The following ENPP2 variants were observed in gnomAD, a reference collection of about 807,000 sequenced individuals.
ENPP2 encodes the protein autotaxin.
In ENPP2, 51 loss-of-function variants were observed where a neutral mutation model predicts 120.2. The observed-to-expected ratio is 0.42, with a 90% CI of 0.34 to 0.54. ENPP2 has a LOEUF of 0.54. Among genes scored for constraint, ENPP2 ranks in the 20% least tolerant of loss-of-function variants. The probability of loss-of-function intolerance (pLI) is 0.04; values close to 1 mark genes in which losing one functional copy is unlikely to be tolerated. For synonymous variants in ENPP2, 365 were observed against 366.4 expected (o/e 1.00, Z 0.04); for missense variants, 920 against 1,066.5 (o/e 0.86, Z 1.91).
chr8:119,645,355 G>A (rs2130860777), intron 1 of ENPP2, among the ~76,000 whole-genome samples: 1 of 152,190 alleles, frequency 6.6e-6, no homozygotes, highest in Admixed American at 6.5e-5. Context: ...CTCACTTTTT[G>A]TTCATTTCAA....
At chr8:119,562,663 T>C (rs113158170) in intron 24 of ENPP2, among the ~76,000 whole-genome samples, 194 bp downstream of exon 24, 117 of 152,290 alleles carry the variant, frequency 7.7e-4, no homozygotes, top group African/African-American at 2.5e-3. Flanking sequence ...TGCACACATA[T>C]ATTGAAAAAT....
At chr8:119,600,217 A>G (rs1307690756) in intron 11 of ENPP2, among the ~76,000 whole-genome samples, 1 of 152,154 alleles carries the variant, frequency 6.6e-6, no homozygotes, top group East Asian at 1.9e-4. Context: ...TGATTGTATT[A>G]TATCTGCCAA....
At chr8:119,634,535 T>C (rs2130821811) in intron 2 of ENPP2, among the ~76,000 whole-genome samples, 1 of 152,176 alleles carries the variant, frequency 6.6e-6, no homozygotes, top group Middle Eastern at 3.4e-3. Context: ...TCATCAGCCT[T>C]AAAGGCATTT....
intron 1 of ENPP2, among the ~76,000 whole-genome samples, chr8:119,666,448 T>G (rs533777917): frequency 6.6e-6 from 1 of 152,224 alleles, no homozygotes; most frequent in Admixed American, 6.5e-5. Flanking sequence ...ATATATTCAG[T>G]AATATAATGC....
intron 11 of ENPP2, among the ~76,000 whole-genome samples, chr8:119,596,605 G>T (rs534050806): frequency 6.6e-6 from 1 of 152,104 alleles, no homozygotes; most frequent in Non-Finnish European, 1.5e-5. Flanking sequence ...AATCATAAAC[G>T]TACTCCCACA....
At chr8:119,648,153 A>T (rs1377573104) in intron 1 of ENPP2, among the ~76,000 whole-genome samples, 1 of 152,194 alleles carries the variant, frequency 6.6e-6, no homozygotes, top group Non-Finnish European at 1.5e-5. Context: ...AGACCAAATG[A>T]TGTAATAATG....
chr8:119,581,973 T>C (rs1812777199), intron 18 of ENPP2, among the ~76,000 whole-genome samples: 1 of 152,048 alleles, frequency 6.6e-6, no homozygotes, highest in Non-Finnish European at 1.5e-5. Flanking sequence ...CCTCAATTCA[T>C]CCACCCATCT....
intron 2 of ENPP2, among the ~76,000 whole-genome samples, chr8:119,633,468 C>T (rs1372915917): frequency 1.3e-5 from 2 of 151,196 alleles, no homozygotes; most frequent in South Asian, 2.1e-4. Flanking sequence ...TTCTCAAGAG[C>T]GTTAAAACAG....
chr8:119,628,888 C>A (rs1470167851), intron 2 of ENPP2, among the ~76,000 whole-genome samples: 1 of 152,112 alleles, frequency 6.6e-6, no homozygotes, highest in Non-Finnish European at 1.5e-5. Flanking sequence ...TATGGAATTA[C>A]ATTTAGGGAA....
chr8:119,570,682 T>C, intron 20 of ENPP2, 23 bp downstream of exon 20: 2 of 1,396,806 alleles, frequency 1.4e-6, no homozygotes, highest in Non-Finnish European at 1.9e-6. Flanking sequence ...ATAAAAAATA[T>C]AAAATCCAAT....
rs1190219661 is a variant in ENPP2, at chr8:119,590,614, T to C, written c.1098A>G (p.Thr366=). ...TACTCAAGAACTCAGTTCTATCACA[T>C]GTGACATCTTCCATTCCTATGGGGA... ...FVGDHGMEDV[T]CDRTEFLSNY... Residue 366 remains threonine, a synonymous_variant, in exon 13 of 25, where the codon ACA becomes ACG. Transcript: ENST00000075322. 6.4e-7 allele frequency: 1 copy of C among 1,560,042 alleles called. No homozygotes were observed. Among genetic ancestry groups the C allele is most frequent in the Middle Eastern group, 1.7e-4 (1 of 5,912 alleles).
intron 9 of ENPP2, among the ~76,000 whole-genome samples, chr8:119,605,467 T>TGTGTGTGTGTA (rs1209460755): frequency 1.4e-5 from 2 of 142,356 alleles, no homozygotes; most frequent in African/African-American, 5.3e-5. Context: ...TGTGTGTGTA[T>TGTGTGTGTGTA]TTTTTTTTTT....
intron 2 of ENPP2, among the ~76,000 whole-genome samples, chr8:119,630,081 T>G (rs1816555865): frequency 1.3e-5 from 2 of 152,096 alleles, no homozygotes; most frequent in Admixed American, 1.3e-4. Flanking sequence ...GCGCCTTGCT[T>G]TCCTTCATCA....
rs1339754637 is a variant in ENPP2 at position 119,617,559 on chromosome 8, C to A, written c.484G>T (p.Val162Phe). The A allele has an allele frequency of 6.2e-7, 1 of 1,609,816 alleles. No individual in the cohort carries two copies. Among genetic ancestry groups the A allele is most frequent in the Non-Finnish European group, 8.5e-7 (1 of 1,176,584 alleles). The change falls in exon 6 of 25, where the codon GTT becomes TTT. Residue 162 changes from valine to phenylalanine, a missense_variant. Val to Phe is a conservative substitution (Grantham distance 50). Transcript: ENST00000075322. ...GAGAAGATGATTAATGGAGGGCGAA[C>A]AAACCTTAAACAGTAACACATTAAG... is the stretch of plus-strand genomic sequence containing the variant. ...IKAAECPAGF[V>F]RPPLIIFSVD...
intron 9 of ENPP2, among the ~76,000 whole-genome samples, chr8:119,603,822 T>C (rs1451067117): frequency 6.6e-6 from 1 of 152,122 alleles, no homozygotes; most frequent in East Asian, 1.9e-4. Flanking sequence ...AAAAAGACTA[T>C]TATGGAGGGG....
At chr8:119,658,214 C>G (rs1213045624) in intron 1 of ENPP2, among the ~76,000 whole-genome samples, 1 of 152,086 alleles carries the variant, frequency 6.6e-6, no homozygotes, top group Non-Finnish European at 1.5e-5. Flanking sequence ...TTCAGGGGGT[C>G]CACGTGCTTG....
chr8:119,585,925 G>GAGACACACAC (rs1473432576), intron 15 of ENPP2, among the ~76,000 whole-genome samples: 1 of 120,444 alleles, frequency 8.3e-6, no homozygotes, highest in Non-Finnish European at 1.7e-5. Context: ...AAGGATGAAA[G>GAGACACACAC]AGACACACAC....
In ENPP2 at chr8:119,562,943, T is replaced by G. The variant is rs1587319198; in HGVS notation, c.2335A>C (p.Thr779Pro). ...YSIITSCLDFTQPADKCDGPL... is the reference protein window; with the variant it reads ...YSIITSCLDFPQPADKCDGPL... ...CCGTCACACTTGTCGGCAGGCTGAG[T>G]GAAATCCAGACAGCTGGTGATGATG... Residue 779 changes from threonine (T) to proline (P), a missense_variant, in exon 24 of 25, where the codon ACT becomes CCT. Coordinates refer to ENST00000075322, the MANE Select transcript of ENPP2 (RefSeq NM_001040092.3). 1 of 1,613,930 alleles carries G rather than the reference T, an allele frequency of 6.2e-7. No homozygotes were observed. Among genetic ancestry groups the G allele is most frequent in the South Asian group, 1.1e-5 (1 of 91,062 alleles).
intron 3 of ENPP2, 129 bp from the exon 4 acceptor site, chr8:119,621,648 A>G (rs1005211387): frequency 1.1e-6 from 1 of 936,894 alleles, no homozygotes; most frequent in African/African-American, 1.6e-5. Flanking sequence ...GTGAAATTTG[A>G]GTTGGCTTGA....
Sources: gnomAD v4.1 joint callset for allele counts (sites outside exome capture counted in the v4.1 genomes callset) on GRCh38, gnomAD v4.1.1 for gene constraint, MANE v1.5 for transcripts, NCBI Gene and HGNC (gene_info 2026-07-23, HGNC 2026-07-21) for gene names.